RHOBTB1: variants seen among roughly 807,000 people sequenced by gnomAD.
RHOBTB1 encodes the protein Rho related BTB domain containing 1, also known as rho-related BTB domain-containing protein 1.
RHOBTB1 carries 40 observed loss-of-function variants against 71.6 expected under a neutral mutation model. That is an observed-to-expected ratio of 0.56 (90% CI 0.43 to 0.73). The LOEUF is 0.73. Ranked by LOEUF, RHOBTB1 falls within the 30% of genes least tolerant of loss-of-function variation. The pLI, the probability that RHOBTB1 is intolerant of heterozygous loss-of-function variation, is 0.00. For synonymous variants in RHOBTB1, 319 were observed against 334.9 expected, an observed-to-expected ratio of 0.95 and a Z score of 0.52; for missense variants, 797 against 894.0, an observed-to-expected ratio of 0.89 and a Z score of 1.38.
intron 1 of RHOBTB1, among the ~76,000 whole-genome samples, chr10:60,991,173 A>G (rs1431871337): frequency 6.6e-6 from 1 of 152,130 alleles, no homozygotes; most frequent in Non-Finnish European, 1.5e-5. Flanking sequence ...CCCCTTGCCA[A>G]CCCATATTCC....
chr10:60,878,887 G>C (rs2081175055), intron 7 of RHOBTB1, among the ~76,000 whole-genome samples: 1 of 152,184 alleles, frequency 6.6e-6, no homozygotes, highest in Admixed American at 6.5e-5. Flanking sequence ...TTTATTTTAG[G>C]TCTGTAACTC....
At chr10:60,898,130 T>G (rs1398488316) in intron 4 of RHOBTB1, among the ~76,000 whole-genome samples, 1 of 152,148 alleles carries the variant, frequency 6.6e-6, no homozygotes, top group African/African-American at 2.4e-5. Context: ...TATTACTTAT[T>G]TTTTTAGGAG....
At chr10:60,978,405 G>T (rs976203914) in intron 2 of RHOBTB1, among the ~76,000 whole-genome samples, 1 of 152,152 alleles carries the variant, frequency 6.6e-6, no homozygotes, top group African/African-American at 2.4e-5. Context: ...GGGAACATGG[G>T]TTTGCATTTC....
intron 4 of RHOBTB1, among the ~76,000 whole-genome samples, chr10:60,906,209 G>A (rs762206703): frequency 1.6e-4 from 24 of 152,188 alleles, no homozygotes; most frequent in Non-Finnish European, 2.4e-4. Flanking sequence ...ATGATTTGGG[G>A]AAAACATGCC....
upstream of RHOBTB1, among the ~76,000 whole-genome samples, chr10:60,946,538 C>T (rs1302426571): frequency 6.6e-6 from 1 of 152,132 alleles, no homozygotes; most frequent in African/African-American, 2.4e-5. Flanking sequence ...AGGTAACAGG[C>T]ATGCAGAAGT....
intron 2 of RHOBTB1, among the ~76,000 whole-genome samples, chr10:60,932,513 T>TAAAAAAAA (rs3049595): frequency 3.9e-4 from 42 of 107,722 alleles, no homozygotes; most frequent in Non-Finnish European, 5.1e-4. Flanking sequence ...TTTCTTAAAG[T>TAAAAAAAA]AAAAAAAAAA....
intron 2 of RHOBTB1, among the ~76,000 whole-genome samples, chr10:60,966,224 C>A (rs2085952225): frequency 6.6e-6 from 1 of 151,248 alleles, no homozygotes; most frequent in Non-Finnish European, 1.5e-5. Context: ...TGAGTAATTT[C>A]TTTTCAAGTT....
chr10:60,945,462 C>A (rs1384241445), upstream of RHOBTB1, among the ~76,000 whole-genome samples: 3 of 152,266 alleles, frequency 2.0e-5, no homozygotes, highest in Non-Finnish European at 2.9e-5. Flanking sequence ...CTTATCCCCC[C>A]AAAAACAGGA....
At chr10:60,949,103 G>A (rs1446123735), upstream of RHOBTB1, among the ~76,000 whole-genome samples, 1 of 152,132 alleles carries the variant, frequency 6.6e-6, no homozygotes, top group Non-Finnish European at 1.5e-5. Context: ...AAGTATTGAT[G>A]GGTCATAAAG....
intron 2 of RHOBTB1, among the ~76,000 whole-genome samples, chr10:60,982,227 T>C (rs747306193): frequency 2.0e-5 from 3 of 152,164 alleles, no homozygotes; most frequent in Non-Finnish European, 4.4e-5. Context: ...GTCACTCTAC[T>C]CCTAAAGGCA....
chr10:60,993,138 A>T (rs2086926511), intron 1 of RHOBTB1, among the ~76,000 whole-genome samples: 1 of 152,256 alleles, frequency 6.6e-6, no homozygotes, highest in East Asian at 1.9e-4. Context: ...AGGTAAAAAG[A>T]GGAGCTGTAA....
chr10:60,886,388 A>G lies in RHOBTB1; in HGVS notation c.1457-158T>C, dbSNP rs150224781. On this transcript the variant is annotated intron_variant, in intron 6 of 10. Coordinates refer to ENST00000337910, the MANE Select transcript of RHOBTB1 (RefSeq NM_014836.5). ...TCAATCCCCATCTTTGAGCTTTGAC[A>G]CACCCAGCTCCCACCTAAGGCAGCA... Among the ~76,000 whole-genome samples the G allele has an allele frequency of 1.5e-3, 229 of 152,278 alleles. 4 individuals are homozygous for G. Among genetic ancestry groups the G allele is most frequent in the African/African-American group, 5.2e-3 (215 of 41,550 alleles).
intron 10 of RHOBTB1, 62 bp downstream of exon 10, chr10:60,872,123 A>G (rs2080820269): frequency 5.8e-6 from 7 of 1,215,676 alleles, no homozygotes; most frequent in Non-Finnish European, 7.3e-6. Context: ...GGGACATAGA[A>G]GATAAAAGCT....
chr10:60,937,317 A>G (rs1292915198), intron 2 of RHOBTB1, among the ~76,000 whole-genome samples: 1 of 152,206 alleles, frequency 6.6e-6, no homozygotes, highest in South Asian at 2.1e-4. Context: ...TCCTATCAAT[A>G]TATCAGTCAG....
At chr10:60,929,711 G>A (rs978224541) in intron 2 of RHOBTB1, among the ~76,000 whole-genome samples, 1 of 151,920 alleles carries the variant, frequency 6.6e-6, no homozygotes, top group Non-Finnish European at 1.5e-5. Flanking sequence ...AGACCAAAAA[G>A]CATATAATAA....
intron 2 of RHOBTB1, among the ~76,000 whole-genome samples, chr10:60,983,539 C>T (rs1007258054): frequency 6.6e-6 from 1 of 151,988 alleles, no homozygotes; most frequent in Non-Finnish European, 1.5e-5. Flanking sequence ...CTTTTTTCCT[C>T]TTGGATACTT....
At chr10:60,936,086 T>C (rs879814478) in intron 2 of RHOBTB1, among the ~76,000 whole-genome samples, 1 of 152,242 alleles carries the variant, frequency 6.6e-6, no homozygotes, top group African/African-American at 2.4e-5. Flanking sequence ...AAAATATTCT[T>C]TCAGTATTAA....
At chr10:60,883,449 G>A (rs562588166) in intron 7 of RHOBTB1, among the ~76,000 whole-genome samples, 4 of 152,166 alleles carry the variant, frequency 2.6e-5, no homozygotes, top group African/African-American at 9.7e-5. Context: ...GCATTCGTGA[G>A]GTCAGCTCTG....
intron 2 of RHOBTB1, among the ~76,000 whole-genome samples, chr10:60,939,291 G>C (rs2084772460): frequency 6.6e-6 from 1 of 152,036 alleles, no homozygotes; most frequent in African/African-American, 2.4e-5. Context: ...CATCATTTTT[G>C]GCGTCTTTTT....
Sources: gnomAD v4.1 joint callset for allele counts (sites outside exome capture counted in the v4.1 genomes callset) on GRCh38, gnomAD v4.1.1 for gene constraint, MANE v1.5 for transcripts, NCBI Gene and HGNC (gene_info 2026-07-23, HGNC 2026-07-21) for gene names.